The following SPMIP11 variants were observed in gnomAD, a reference collection of about 807,000 sequenced individuals.
SPMIP11 encodes the protein sperm microtubule inner protein 11.
the SPMIP11 span, chr12:48,768,813 C>A: frequency 6.4e-7 from 1 of 1,557,478 alleles, no homozygotes; most frequent in Non-Finnish European, 8.7e-7. Flanking sequence ...TCCCTTCCCC[C>A]AGTCCCTGCC....
the SPMIP11 span, among the ~76,000 whole-genome samples, chr12:48,760,807 G>A: frequency 2.0e-5 from 3 of 152,310 alleles, no homozygotes; most frequent in African/African-American, 4.8e-5. Flanking sequence ...GATTACAGGC[G>A]TGAGCCGCCA....
At chr12:48,755,642 C>T in the SPMIP11 span, among the ~76,000 whole-genome samples, 96,571 of 151,892 alleles carry the variant, frequency 0.64, 31,044 homozygotes, top group East Asian at 0.74. Flanking sequence ...AGGTGAGTGA[C>T]ACTGTCCAGC....
chr12:48,741,885 C>T, the SPMIP11 span, among the ~76,000 whole-genome samples: 7 of 152,106 alleles, frequency 4.6e-5, no homozygotes, highest in Admixed American at 1.3e-4. Context: ...GCGATTCTCC[C>T]GCCCCAGCCT....
the SPMIP11 span, among the ~76,000 whole-genome samples, chr12:48,753,612 G>GT: frequency 6.7e-6 from 1 of 150,038 alleles, no homozygotes; most frequent in Non-Finnish European, 1.5e-5. Context: ...TGAACTACCT[G>GT]TTAGGAGACA....
the SPMIP11 span, among the ~76,000 whole-genome samples, chr12:48,734,198 G>A: frequency 2.0e-5 from 3 of 152,108 alleles, no homozygotes; most frequent in Non-Finnish European, 4.4e-5. Flanking sequence ...TCAAACTCCT[G>A]GGCTTAAGTG....
the SPMIP11 span, among the ~76,000 whole-genome samples, chr12:48,755,664 C>A: frequency 6.6e-6 from 1 of 152,072 alleles, no homozygotes; most frequent in East Asian, 1.9e-4. Context: ...CACCTCCAAG[C>A]ACACACTGAC....
At chr12:48,728,431 G>A in the SPMIP11 span, among the ~76,000 whole-genome samples, 4 of 152,166 alleles carry the variant, frequency 2.6e-5, no homozygotes, top group Admixed American at 1.3e-4. Context: ...GGGGATGGCC[G>A]GGTGCGGTGG....
At chr12:48,764,811 G>C in the SPMIP11 span, 1 of 698,436 alleles carries the variant, frequency 1.4e-6, no homozygotes, top group Middle Eastern at 2.6e-4. Flanking sequence ...CAGAGAACTT[G>C]AAGGAATTAG....
At chr12:48,748,149 G>C in the SPMIP11 span, among the ~76,000 whole-genome samples, 1 of 152,120 alleles carries the variant, frequency 6.6e-6, no homozygotes. Context: ...AGGAATCAGA[G>C]ACTTTCCATC....
At chr12:48,762,006 T>C in the SPMIP11 span, among the ~76,000 whole-genome samples, 1 of 148,972 alleles carries the variant, frequency 6.7e-6, no homozygotes, top group South Asian at 2.1e-4. Context: ...GGCCTTATAA[T>C]ACTCTTATAT....
the SPMIP11 span, among the ~76,000 whole-genome samples, chr12:48,736,566 T>C: frequency 2.6e-5 from 4 of 152,152 alleles, no homozygotes; most frequent in African/African-American, 9.7e-5. Flanking sequence ...AATCTGTCAG[T>C]TCCATTTTTT....
chr12:48,729,576 G>A, the SPMIP11 span, among the ~76,000 whole-genome samples: 23 of 151,756 alleles, frequency 1.5e-4, no homozygotes, highest in African/African-American at 2.2e-4. Flanking sequence ...TGGGCATGGC[G>A]GTGCATGCCT....
the SPMIP11 span, among the ~76,000 whole-genome samples, chr12:48,760,590 G>A: frequency 2.6e-5 from 4 of 152,108 alleles, no homozygotes; most frequent in South Asian, 2.1e-4. Context: ...GCAGTGCTAC[G>A]ATCTTGGCCC....
chr12:48,742,694 G>A, the SPMIP11 span, among the ~76,000 whole-genome samples: 1 of 151,806 alleles, frequency 6.6e-6, no homozygotes, highest in South Asian at 2.1e-4. Flanking sequence ...GACCAGCGCT[G>A]GACCAACATG....
chr12:48,768,739 C>T, the SPMIP11 span: 19 of 1,611,748 alleles, frequency 1.2e-5, no homozygotes, highest in African/African-American at 4.0e-5. Flanking sequence ...GAGGGGAGCC[C>T]GCTTAGCCTG....
the SPMIP11 span, among the ~76,000 whole-genome samples, chr12:48,749,829 C>T: frequency 6.6e-6 from 1 of 150,554 alleles, no homozygotes; most frequent in Non-Finnish European, 1.5e-5. Flanking sequence ...GTAGCTGGGA[C>T]TACAGGCACC....
chr12:48,743,964 T>C, the SPMIP11 span, among the ~76,000 whole-genome samples: 1 of 112,856 alleles, frequency 8.9e-6, no homozygotes, highest in African/African-American at 3.9e-5. Context: ...AAAAAAAAAA[T>C]TGGCCAGGCA....
At chr12:48,738,003 T>G in the SPMIP11 span, among the ~76,000 whole-genome samples, 6 of 151,846 alleles carry the variant, frequency 4.0e-5, no homozygotes, top group Non-Finnish European at 7.4e-5. Flanking sequence ...TTTGTATTTT[T>G]TAGTACAAAC....
chr12:48,737,484 G>A, the SPMIP11 span, among the ~76,000 whole-genome samples: 3 of 148,770 alleles, frequency 2.0e-5, no homozygotes, highest in Admixed American at 6.8e-5. Context: ...GCGTGATCTC[G>A]GCTCACAACA....
Sources: allele counts gnomAD v4.1 joint callset (sites outside exome capture counted in the v4.1 genomes callset), GRCh38; gene constraint gnomAD v4.1.1; transcripts MANE v1.5; gene names NCBI Gene and HGNC (gene_info 2026-07-23, HGNC 2026-07-21).